The following TMEM184B variants were observed in gnomAD, a reference collection of about 807,000 sequenced individuals.
The protein encoded by TMEM184B is transmembrane protein 184B, also known as putative MAPK-activating protein FM08.
Under a neutral mutation model 41.8 loss-of-function variants are expected in TMEM184B, and 17 were observed. The ratio of observed to expected loss-of-function variants is 0.41; its 90% CI spans 0.28 to 0.61. TMEM184B has a LOEUF of 0.61. Among genes scored for constraint, TMEM184B ranks in the 20% least tolerant of loss-of-function variants. The pLI is 0.34. For missense variants in TMEM184B, 393 were observed against 557.8 expected (o/e 0.70, Z 2.98); for synonymous variants, 240 against 229.5 (o/e 1.05, Z -0.41).
chr22:38,272,147 G>A (rs935044397), intron 1 of TMEM184B, among the ~76,000 whole-genome samples: 6 of 152,198 alleles, frequency 3.9e-5, no homozygotes, highest in African/African-American at 1.4e-4. Flanking sequence ...AACACCTCCA[G>A]AGGGGATATG....
chr22:38,242,949 C>T (rs1488468921), intron 3 of TMEM184B, among the ~76,000 whole-genome samples: 1 of 151,092 alleles, frequency 6.6e-6, no homozygotes, highest in Non-Finnish European at 1.5e-5. Flanking sequence ...GTAGTCCCAG[C>T]TACTCGGGAG....
Position 38,226,626 on chromosome 22 carries a change from A to G in TMEM184B, c.617+153T>C. 1 of 712,744 alleles carries G rather than the reference A, an allele frequency of 1.4e-6. No homozygotes were observed. The highest frequency in any genetic ancestry group is 1.8e-5 in the South Asian group (1 of 56,902). 44.2% of individuals were successfully genotyped at this position (712,744 alleles called of 1,614,324 possible). A position where few individuals can be genotyped will look rare whatever the true frequency, so the allele number is the denominator to read the frequency against. On this transcript the variant is annotated intron_variant, in intron 6 of 8. Transcript: ENST00000361906. This position sits in a 1 kb window ranked among gnomAD's most constrained non-coding sequence, Gnocchi z 4.6. Reference sequence around the variant, plus strand: ...AGCGGGGCCAACTGCAAGGGTGTCCACTGCTGGGCTCAGACTTCAGGGGGG... The same window carrying G: ...AGCGGGGCCAACTGCAAGGGTGTCCGCTGCTGGGCTCAGACTTCAGGGGGG...
Position 38,272,981 on chromosome 22 carries a change from G to T in TMEM184B, c.-156C>A. ...GCGCCGCAGCCCCGGAGTCTCCGCC[G>T]CCGCCGGCGCGTCCCGGGCCCAGTG... On this transcript the variant is annotated 5_prime_UTR_variant, in exon 1 of 9. Transcript: ENST00000361906. 1 of 222,388 alleles carries T rather than the reference G, an allele frequency of 4.5e-6. No homozygotes were observed. The highest frequency in any genetic ancestry group is 7.5e-6 in the Non-Finnish European group (1 of 133,178). 13.8% of individuals were successfully genotyped at this position (222,388 alleles called of 1,614,324 possible).
At chr22:38,242,323 A>T (rs2091929098) in intron 3 of TMEM184B, among the ~76,000 whole-genome samples, 1 of 151,816 alleles carries the variant, frequency 6.6e-6, no homozygotes, top group South Asian at 2.1e-4. Flanking sequence ...AAAAAAAAAA[A>T]AAAAATTAGC....
intron 4 of TMEM184B, among the ~76,000 whole-genome samples, chr22:38,231,034 G>C (rs575706097): frequency 6.6e-6 from 1 of 152,320 alleles, no homozygotes; most frequent in South Asian, 2.1e-4. Context: ...CTAAGACTGA[G>C]ACAGGAAGAG....
downstream of TMEM184B, among the ~76,000 whole-genome samples, chr22:38,217,301 G>A (rs1322492725): frequency 7.3e-6 from 1 of 137,906 alleles, no homozygotes. Context: ...TGGCTAACAC[G>A]GTGAAACCCC....
At chr22:38,235,886 G>A (rs1286193832) in intron 3 of TMEM184B, among the ~76,000 whole-genome samples, 5 of 152,234 alleles carry the variant, frequency 3.3e-5, no homozygotes, top group Non-Finnish European at 5.9e-5. Context: ...TGACCGGGAA[G>A]CTCACTGCCC....
intron 1 of TMEM184B, among the ~76,000 whole-genome samples, chr22:38,253,972 G>C (rs1350936287): frequency 6.6e-6 from 1 of 152,092 alleles, no homozygotes; most frequent in Admixed American, 6.5e-5. Flanking sequence ...AGGCCAAGGT[G>C]GGCGGATCAC....
intron 8 of TMEM184B, among the ~76,000 whole-genome samples, chr22:38,224,501 G>A (rs1250892709): frequency 6.6e-6 from 1 of 152,198 alleles, no homozygotes; most frequent in Non-Finnish European, 1.5e-5. Context: ...TTAGAAGCCC[G>A]AGGGAATTTG....
At chr22:38,255,146 C>T (rs2092253948) in intron 1 of TMEM184B, among the ~76,000 whole-genome samples, 2 of 152,232 alleles carry the variant, frequency 1.3e-5, no homozygotes, top group African/African-American at 4.8e-5. Context: ...CTGCCTCAGC[C>T]TCCTGAGTAG....
intron 1 of TMEM184B, among the ~76,000 whole-genome samples, chr22:38,266,488 C>G (rs776552748): frequency 6.6e-6 from 1 of 152,228 alleles, no homozygotes; most frequent in Non-Finnish European, 1.5e-5. Context: ...GCCCTGTTCA[C>G]CACTGCTGCA....
intron 3 of TMEM184B, among the ~76,000 whole-genome samples, chr22:38,245,696 C>T (rs1465005739): frequency 4.6e-5 from 7 of 151,094 alleles, no homozygotes; most frequent in Non-Finnish European, 8.8e-5. Context: ...CTGCCTGAGA[C>T]GCCAGCATTG....
rs2091389493 is a variant in TMEM184B at position 38,225,032 on chromosome 22, C to T, written c.788-53G>A. The T allele has an allele frequency of 1.3e-6, 2 of 1,481,786 alleles. No individual in the cohort carries two copies. The highest frequency in any genetic ancestry group is 1.8e-6 in the Non-Finnish European group (2 of 1,114,194). The allele number at this position is 1,481,786 out of a possible 1,614,324, so 91.8% of individuals were successfully genotyped here. A position where few individuals can be genotyped will look rare whatever the true frequency, so the allele number is the denominator to read the frequency against. ...CCCAGAATGATTCCTTTCCTGCTCC[C>T]CCTTCTTCCACAATGCCCCATTCAG... On this transcript the variant is annotated intron_variant, in intron 7 of 8. Transcript: ENST00000361906. The surrounding 1 kb of genome is among the most constrained non-coding windows in gnomAD (Gnocchi z 4.4).
At chr22:38,250,828 C>T (rs984484048) in intron 1 of TMEM184B, among the ~76,000 whole-genome samples, 3 of 152,168 alleles carry the variant, frequency 2.0e-5, no homozygotes, top group Admixed American at 1.3e-4. Flanking sequence ...GGCTACAGGC[C>T]AGCTTCCTCC....
intron 3 of TMEM184B, among the ~76,000 whole-genome samples, chr22:38,238,530 G>A (rs1012709606): frequency 1.3e-5 from 2 of 152,166 alleles, no homozygotes; most frequent in Admixed American, 6.5e-5. Flanking sequence ...GGCCACTATC[G>A]AGGTCTTATA....
At chr22:38,266,590 T>C (rs961611190) in intron 1 of TMEM184B, among the ~76,000 whole-genome samples, 2 of 152,268 alleles carry the variant, frequency 1.3e-5, no homozygotes, top group African/African-American at 2.4e-5. Context: ...AGAACTTCTC[T>C]GATTCTTTTC....
intron 3 of TMEM184B, chr22:38,232,054 A>G (rs1040847008): frequency 1.3e-5 from 2 of 156,178 alleles, no homozygotes; most frequent in African/African-American, 4.8e-5. Context: ...ACAGGTCACA[A>G]TTTTATAAGA....
chr22:38,272,934 G>C lies in TMEM184B; in HGVS notation c.-109C>G, dbSNP rs903478177. 2.3e-5 allele frequency: 12 copies of C among 521,234 alleles called. No individual in the cohort carries two copies. In the African/African-American group the frequency reaches 2.5e-4, roughly 11 times the overall value. The allele number at this position is 521,234 out of a possible 1,614,324, so 32.3% of individuals were successfully genotyped here. The stretch of plus-strand genomic sequence containing the variant: ...GTCTGCGGACGATGCGCGGCAGCCG[G>C]ACTCTGCGGGCGGGGCGGGCGGCGC... On this transcript the variant is annotated 5_prime_UTR_variant, in exon 1 of 9. Coordinates refer to ENST00000361906, the MANE Select transcript of TMEM184B (RefSeq NM_012264.5).
At chr22:38,249,782 A>T (rs2092122036) in intron 1 of TMEM184B, among the ~76,000 whole-genome samples, 1 of 152,184 alleles carries the variant, frequency 6.6e-6, no homozygotes. Context: ...CCCTCTACCC[A>T]AGCCCTGATG....
Sources: gnomAD v4.1 joint callset for allele counts (sites outside exome capture counted in the v4.1 genomes callset) on GRCh38, gnomAD v4.1.1 for gene constraint, Gnocchi (gnomAD v3.1) non-coding constraint, MANE v1.5 for transcripts, NCBI Gene and HGNC (gene_info 2026-07-23, HGNC 2026-07-21) for gene names.